PRRC2C: variants seen among roughly 807,000 people sequenced by gnomAD.
PRRC2C encodes protein PRRC2C.
In PRRC2C, 72 loss-of-function variants were observed where a neutral mutation model predicts 317.2. That is an observed-to-expected ratio of 0.23 (90% CI 0.19 to 0.28). The LOEUF is 0.28. PRRC2C is among the 10% of genes least tolerant of loss of function. The pLI is 1.00. For synonymous variants in PRRC2C, 1,296 were observed against 1,205.9 expected, an observed-to-expected ratio of 1.07 and a Z score of -1.55; for missense variants, 3,074 against 3,459.7, an observed-to-expected ratio of 0.89 and a Z score of 2.80.
intron 18 of PRRC2C, among the ~76,000 whole-genome samples, chr1:171,557,036 A>G (rs1329607389): frequency 1.3e-5 from 2 of 152,218 alleles, no homozygotes; most frequent in African/African-American, 2.4e-5. Context: ...TCAAGAATGT[A>G]CAATACCTAT....
Position 171,577,443 on chromosome 1 carries a change from C to T in PRRC2C, c.6965C>T (p.Thr2322Ile). ...TPTASLSGAG[T>I]YTTSSLSTKS... ...GCTTCCCCAAATATAGGAGCTGGTA[C>T]ATACACTACCTCTTCTTTGAGCACA... The change falls in exon 26 of 35, where the codon ACA (threonine) becomes ATA (isoleucine). Residue 2322 changes from threonine (T) to isoleucine (I), a missense_variant. Transcript: ENST00000647382. 1 of 1,604,176 alleles carries T rather than the reference C, an allele frequency of 6.2e-7. No individual in the cohort carries two copies. The highest frequency in any genetic ancestry group is 2.2e-5 in the East Asian group (1 of 44,802).
chr1:171,552,478 A>G (rs1475134021), intron 18 of PRRC2C, among the ~76,000 whole-genome samples: 8 of 152,168 alleles, frequency 5.3e-5, no homozygotes, highest in Admixed American at 1.3e-4. Flanking sequence ...TGATTGCCCT[A>G]GCCAGAACTT....
intron 28 of PRRC2C, among the ~76,000 whole-genome samples, chr1:171,583,451 A>G (rs1034772494): frequency 2.6e-5 from 4 of 152,200 alleles, no homozygotes; most frequent in Admixed American, 2.6e-4. Flanking sequence ...CTTCAGGGGC[A>G]GTAACACATA....
At chr1:171,504,214 A>G (rs1669746784) in intron 1 of PRRC2C, among the ~76,000 whole-genome samples, 5 of 152,202 alleles carry the variant, frequency 3.3e-5, no homozygotes, top group African/African-American at 9.7e-5. Context: ...TCTCAGATCT[A>G]TGATTTGACA....
rs768125036 is a variant in PRRC2C at position 171,513,179 on chromosome 1, CAA to C, written c.290+9_290+10del. ...AGCAACATGAAGAAGAAAAGTGAGT[CAA>C]AGTCTGTTAAAGAATGAAGCCCTTC... On this transcript the variant is annotated splice_region_variant and intron_variant, in intron 3 of 34. Coordinates refer to ENST00000647382, the MANE Select transcript of PRRC2C (RefSeq NM_001387844.1). The C allele has an allele frequency of 2.5e-5, 40 of 1,604,638 alleles. No homozygotes were observed. The highest frequency in any genetic ancestry group is 1.7e-4 in the Admixed American group (10 of 57,914).
At position 171,517,632 on chromosome 1, in the gene PRRC2C, C is replaced by G; in HGVS notation, c.568C>G (p.Pro190Ala). Reference sequence around the variant, plus strand: ...AGATGGTGGTAAGGCTGCTGGCTCACCTTCGTCATCTGATCAAGATGAAAA... The same window carrying G: ...AGATGGTGGTAAGGCTGCTGGCTCAGCTTCGTCATCTGATCAAGATGAAAA... ...WRDGGKAAGS[P>A]SSSDQDEKLP... The change falls in exon 6 of 35, where the codon CCT becomes GCT. Residue 190 changes from proline to alanine, a missense_variant. Physicochemically the swap from Pro to Ala is conservative, Grantham distance 27. Coordinates refer to ENST00000647382, the MANE Select transcript of PRRC2C (RefSeq NM_001387844.1). 1 of 1,612,518 alleles carries G rather than the reference C, an allele frequency of 6.2e-7. No homozygotes were observed. Among genetic ancestry groups the G allele is most frequent in the Non-Finnish European group, 8.5e-7 (1 of 1,179,674 alleles).
chr1:171,566,254 AGTG>A lies in PRRC2C; in HGVS notation c.6141_6143del (p.Ser2047_Gly2048delinsArg), dbSNP rs1683642735. The stretch of plus-strand genomic sequence containing the variant: ...CTAGGGAGCGAAGAATGGTCAAGAA[AGTG>A]GACTCGAAATTGGAACTGACACAAT... On this transcript the variant is annotated inframe_deletion, in exon 21 of 35. Transcript: ENST00000647382. 1 of 1,611,014 alleles carries A rather than the reference AGTG, an allele frequency of 6.2e-7. No homozygotes were observed.
Position 171,591,946 on chromosome 1 carries a change from C to T in PRRC2C, c.*99C>T. On this transcript the variant is annotated 3_prime_UTR_variant, in exon 35 of 35. Transcript: ENST00000647382. The stretch of plus-strand genomic sequence containing the variant: ...GCCAAAGGGGCAAAATGGCCTGTGA[C>T]ATTATCCTGTTCAGAGCTTGGAGAT... 1 of 1,433,784 alleles carries T rather than the reference C, an allele frequency of 7.0e-7. No homozygotes were observed. The highest frequency in any genetic ancestry group is 1.4e-5 in the South Asian group (1 of 73,476). The allele number at this position is 1,433,784 out of a possible 1,614,324, so 88.8% of individuals were successfully genotyped here.
intron 9 of PRRC2C, among the ~76,000 whole-genome samples, chr1:171,523,757 T>A (rs1264160120): frequency 6.6e-6 from 1 of 152,106 alleles, no homozygotes; most frequent in African/African-American, 2.4e-5. Context: ...CATTTAGGGC[T>A]GGGTGCGGTG....
chr1:171,556,147 C>A (rs1304219505), intron 18 of PRRC2C, among the ~76,000 whole-genome samples: 1 of 152,224 alleles, frequency 6.6e-6, no homozygotes, highest in Non-Finnish European at 1.5e-5. Flanking sequence ...ACCACTCCCC[C>A]AGCCAGGCTG....
rs2102451500 is a variant in PRRC2C, at chr1:171,535,617, A to G, written c.2043+20A>G. 6.2e-7 allele frequency: 1 copy of G among 1,610,642 alleles called. No individual in the cohort carries two copies. The highest frequency in any genetic ancestry group is 2.2e-5 in the East Asian group (1 of 44,878). On this transcript the variant is annotated intron_variant, in intron 13 of 34. Transcript: ENST00000647382. ...CAGCAGGTAATGATAAAAATATTTT[A>G]TCATGTATGTGTGATTGAAGTGGTT... is the stretch of plus-strand genomic sequence containing the variant.
chr1:171,516,837 G>C (rs923758618), intron 5 of PRRC2C, among the ~76,000 whole-genome samples: 5 of 152,126 alleles, frequency 3.3e-5, no homozygotes, highest in Non-Finnish European at 7.4e-5. Flanking sequence ...TAGTGGGGCT[G>C]CTTATGACAT....
chr1:171,587,222 G>A lies in PRRC2C; in HGVS notation c.7968+1G>A. On this transcript the variant is annotated splice_donor_variant, in intron 31 of 34. Coordinates refer to ENST00000647382, the MANE Select transcript of PRRC2C (RefSeq NM_001387844.1). LOFTEE classifies it high-confidence loss of function. Reference sequence around the variant, plus strand: ...TAGCATGATTGCAACCACAGGAAAAGTAAGTAAAGAGACATTTGCACAGGT... The same window carrying A: ...TAGCATGATTGCAACCACAGGAAAAATAAGTAAAGAGACATTTGCACAGGT... 6.3e-7 allele frequency: 1 copy of A among 1,590,838 alleles called. No homozygotes were observed. Among genetic ancestry groups the A allele is most frequent in the Non-Finnish European group, 8.6e-7 (1 of 1,167,304 alleles).
At chr1:171,560,209 T>C (rs1417915931) in intron 19 of PRRC2C, among the ~76,000 whole-genome samples, 1 of 151,980 alleles carries the variant, frequency 6.6e-6, no homozygotes, top group African/African-American at 2.4e-5. Context: ...TTAACAGGGG[T>C]TTGGAAGAAG....
intron 16 of PRRC2C, among the ~76,000 whole-genome samples, chr1:171,542,566 C>T (rs1678144001): frequency 6.6e-6 from 1 of 152,122 alleles, no homozygotes; most frequent in South Asian, 2.1e-4. Context: ...CTCAGTTTCT[C>T]CTAATAAACC....
chr1:171,519,236 A>G (rs764308642), intron 6 of PRRC2C, among the ~76,000 whole-genome samples: 33 of 152,306 alleles, frequency 2.2e-4, no homozygotes, highest in Admixed American at 1.1e-3. Flanking sequence ...TCATCAGTAA[A>G]TATTTTAAGT....
chr1:171,496,267 A>G (rs972617235), intron 1 of PRRC2C, among the ~76,000 whole-genome samples: 7 of 121,632 alleles, frequency 5.8e-5, no homozygotes, highest in African/African-American at 2.3e-4. Flanking sequence ...CAGTGGTGCT[A>G]TCTTGGCTCA....
chr1:171,495,271 T>C (rs1372293238), intron 1 of PRRC2C, among the ~76,000 whole-genome samples: 1 of 152,250 alleles, frequency 6.6e-6, no homozygotes, highest in Admixed American at 6.5e-5. Context: ...AGTCTGGGTC[T>C]GTATTCTGCA....
In PRRC2C at chr1:171,584,003, T is replaced by A; in HGVS notation, c.7457T>A (p.Val2486Asp). ...AGCAGTTTATCCCAGCCATCTGTGGTCCTTTCTGGTACTGCTATTCACAAC... is the reference window on the plus strand; with the variant it reads ...AGCAGTTTATCCCAGCCATCTGTGGACCTTTCTGGTACTGCTATTCACAAC... ...MQSSLSQPSV[V>D]LSGTAIHNFP... Residue 2486 changes from valine to aspartate, a missense_variant, in exon 29 of 35, where the codon GTC (valine) becomes GAC (aspartate). Val to Asp is a radical substitution (Grantham distance 152, BLOSUM62 -3). Around this residue, in one of 11 missense-constraint regions of PRRC2C, gnomAD observed 490 missense variants for 663.1 expected, o/e 0.74. Transcript: ENST00000647382. The A allele has an allele frequency of 6.2e-7, 1 of 1,614,020 alleles. No homozygotes were observed. Among genetic ancestry groups the A allele is most frequent in the Non-Finnish European group, 8.5e-7 (1 of 1,179,866 alleles).
Sources: gnomAD v4.1 joint callset for allele counts (sites outside exome capture counted in the v4.1 genomes callset) on GRCh38, gnomAD v4.1.1 for gene constraint, gnomAD v4.1.1 regional missense constraint, MANE v1.5 for transcripts, NCBI Gene and HGNC (gene_info 2026-07-23, HGNC 2026-07-21) for gene names.